The following PRKAR1B variants were observed in gnomAD, a reference collection of about 807,000 sequenced individuals.
The protein encoded by PRKAR1B is protein kinase cAMP-dependent type I regulatory subunit beta.
Under a neutral mutation model 46.5 loss-of-function variants are expected in PRKAR1B, and 22 were observed. That is an observed-to-expected ratio of 0.47 (90% confidence interval 0.34 to 0.68). The LOEUF (loss-of-function observed/expected upper bound fraction) is 0.68, where lower values mean the gene tolerates loss of function less well. PRKAR1B is among the 30% of genes least tolerant of loss of function. The pLI is 0.01. For missense variants in PRKAR1B, 445 were observed against 535.6 expected, an observed-to-expected ratio of 0.83 and a Z score of 1.67; for synonymous variants, 259 against 217.7, an observed-to-expected ratio of 1.19 and a Z score of -1.67.
intron 4 of PRKAR1B, among the ~76,000 whole-genome samples, chr7:614,385 C>G (rs1486264558): frequency 3.3e-5 from 5 of 152,192 alleles, no homozygotes; most frequent in Non-Finnish European, 5.9e-5. Context: ...CCGTTTACAT[C>G]CCCTCCTCTG....
chr7:580,756 AAAAAAAAC>A, intron 8 of PRKAR1B, among the ~76,000 whole-genome samples: 1 of 139,954 alleles, frequency 7.1e-6, no homozygotes, highest in Non-Finnish European at 1.6e-5. Context: ...AAAAAAAAAA[AAAAAAAAC>A]AAACGTTTCC....
intron 4 of PRKAR1B, among the ~76,000 whole-genome samples, chr7:646,926 G>A (rs367566172): frequency 9.1e-4 from 138 of 152,314 alleles, no homozygotes; most frequent in African/African-American, 3.1e-3. Flanking sequence ...GGCTGAGGGC[G>A]GCAGCGGTAC....
intron 3 of PRKAR1B, among the ~76,000 whole-genome samples, chr7:680,345 A>G (rs1778594830): frequency 6.6e-6 from 1 of 152,052 alleles, no homozygotes; most frequent in Non-Finnish European, 1.5e-5. Flanking sequence ...CTGCTCCCAT[A>G]AATTTGAGCT....
At position 584,538 on chromosome 7, in the gene PRKAR1B, C is replaced by T. The variant is rs763122625; in HGVS notation, c.739G>A (p.Glu247Lys). ...GSTLRKRKMY[E>K]EFLSKVSILE... ...ATGGAGACCTTGCTGAGGAACTCCT[C>T]GTACATCTTGCGTTTCCTCAGCGTG... Residue 247 changes from glutamate (E) to lysine (K), a missense_variant, in exon 8 of 11, where the codon GAG becomes AAG. Glu to Lys is a moderately conservative substitution (Grantham distance 56). Around this residue, in one of 5 missense-constraint regions of PRKAR1B, gnomAD observed 51 missense variants for 85.1 expected, o/e 0.60. Coordinates refer to ENST00000537384, the MANE Select transcript of PRKAR1B (RefSeq NM_001164760.2). 6.2e-7 allele frequency: 1 copy of T among 1,613,894 alleles called. No individual in the cohort carries two copies. Among genetic ancestry groups the T allele is most frequent in the Non-Finnish European group, 8.5e-7 (1 of 1,179,980 alleles).
At chr7:609,395 C>G (rs1351262417) in intron 4 of PRKAR1B, among the ~76,000 whole-genome samples, 1 of 152,108 alleles carries the variant, frequency 6.6e-6, no homozygotes, top group Non-Finnish European at 1.5e-5. Flanking sequence ...ACTGTGTACC[C>G]CCCACCACCC....
chr7:648,478 G>A (rs763337254), intron 4 of PRKAR1B, among the ~76,000 whole-genome samples: 3 of 152,158 alleles, frequency 2.0e-5, no homozygotes, highest in Admixed American at 1.3e-4. Flanking sequence ...GGGCATGGTG[G>A]TGCGTGCCCG....
At chr7:596,987 A>G (rs1472190567) in intron 6 of PRKAR1B, among the ~76,000 whole-genome samples, 1 of 152,270 alleles carries the variant, frequency 6.6e-6, no homozygotes, top group Non-Finnish European at 1.5e-5. Context: ...ATTCCCTTTC[A>G]GCCCGGGTGG....
chr7:705,861 T>C (rs1371958232), intron 2 of PRKAR1B, among the ~76,000 whole-genome samples: 1 of 151,998 alleles, frequency 6.6e-6, no homozygotes, highest in Non-Finnish European at 1.5e-5. Context: ...ACCCCGTCTC[T>C]ACTGAAAATA....
At chr7:692,460 G>GGAGAA (rs375707907) in intron 2 of PRKAR1B, among the ~76,000 whole-genome samples, 23 of 152,152 alleles carry the variant, frequency 1.5e-4, no homozygotes, top group South Asian at 4.2e-4. Flanking sequence ...GAAGAGAAGA[G>GGAGAA]GAGAAGAGAA....
chr7:611,088 G>A (rs944896115), intron 4 of PRKAR1B, among the ~76,000 whole-genome samples: 4 of 152,194 alleles, frequency 2.6e-5, no homozygotes, highest in Non-Finnish European at 5.9e-5. Flanking sequence ...CTGCTGTTCC[G>A]TCCAGTTTCC....
At chr7:651,786 A>G in intron 4 of PRKAR1B, among the ~76,000 whole-genome samples, 1 of 110,842 alleles carries the variant, frequency 9.0e-6, no homozygotes, top group East Asian at 3.0e-4. Flanking sequence ...GTTCACACCC[A>G]CACAGCGCTA....
At chr7:563,635 A>G (rs576981737) in intron 9 of PRKAR1B, among the ~76,000 whole-genome samples, 3 of 152,024 alleles carry the variant, frequency 2.0e-5, no homozygotes, top group African/African-American at 7.2e-5. Flanking sequence ...GTGTGTGTGC[A>G]TGTGTGCCAG....
At chr7:629,250 G>A (rs1313161524) in intron 4 of PRKAR1B, among the ~76,000 whole-genome samples, 1 of 152,240 alleles carries the variant, frequency 6.6e-6, no homozygotes, top group African/African-American at 2.4e-5. Context: ...CGCGAGGGCT[G>A]GAAAATGCTG....
At chr7:587,760 G>A (rs143306785) in intron 7 of PRKAR1B, among the ~76,000 whole-genome samples, 3,597 of 152,326 alleles carry the variant, frequency 0.024, 54 homozygotes, top group Middle Eastern at 0.051. Flanking sequence ...GACTCCAGCT[G>A]CTGGGGCAGG....
chr7:583,836 A>G (rs1163735618), intron 8 of PRKAR1B, among the ~76,000 whole-genome samples: 1 of 151,214 alleles, frequency 6.6e-6, no homozygotes, highest in East Asian at 2.0e-4. Flanking sequence ...ACACACCCCC[A>G]TGTGCACACT....
chr7:666,865 C>A lies in PRKAR1B; in HGVS notation c.440+10364G>T, dbSNP rs1307497707. Among the ~76,000 whole-genome samples the A allele has an allele frequency of 1.3e-5, 2 of 152,214 alleles. No homozygotes were observed. The highest frequency in any genetic ancestry group is 4.8e-5 in the African/African-American group (2 of 41,442). On this transcript the variant is annotated intron_variant, in intron 4 of 10. Transcript: ENST00000537384. The surrounding 1 kb of genome is among the most constrained non-coding windows in gnomAD (Gnocchi z 4.9). ...CAGCCTCCAAGGGGCAAGGCACCAT[C>A]CAGAAGAAGTACCTTCATGGACTCC...
chr7:589,426 C>T (rs1426585294), intron 7 of PRKAR1B, among the ~76,000 whole-genome samples: 1 of 151,968 alleles, frequency 6.6e-6, no homozygotes, highest in East Asian at 1.9e-4. Flanking sequence ...CAGCCCCCAC[C>T]ACTGCCAAGA....
chr7:587,795 G>C (rs1780683311), intron 7 of PRKAR1B, among the ~76,000 whole-genome samples: 1 of 152,218 alleles, frequency 6.6e-6, no homozygotes, highest in Admixed American at 6.5e-5. Context: ...TGGAGCAGAG[G>C]ATGAAGGAAG....
intron 4 of PRKAR1B, among the ~76,000 whole-genome samples, chr7:649,810 C>T (rs1784799753): frequency 6.6e-6 from 1 of 151,962 alleles, no homozygotes; most frequent in African/African-American, 2.4e-5. Context: ...AAGCGATCCC[C>T]CCATCTCAGC....
Sources: gnomAD v4.1 joint callset for allele counts (sites outside exome capture counted in the v4.1 genomes callset) on GRCh38, gnomAD v4.1.1 for gene constraint, gnomAD v4.1.1 regional missense constraint, Gnocchi (gnomAD v3.1) non-coding constraint, MANE v1.5 for transcripts, NCBI Gene and HGNC (gene_info 2026-07-23, HGNC 2026-07-21) for gene names.